The following SPMIP2 variants were observed in gnomAD, a reference collection of about 807,000 sequenced individuals.
SPMIP2 encodes protein SPMIP2.
At chr4:159,001,887 G>T in the SPMIP2 span, among the ~76,000 whole-genome samples, 1 of 152,130 alleles carries the variant, frequency 6.6e-6, no homozygotes, top group African/African-American at 2.4e-5. Flanking sequence ...GCATTAAATG[G>T]CAGTTCTGTT....
At chr4:158,967,593 T>A in the SPMIP2 span, among the ~76,000 whole-genome samples, 1 of 152,248 alleles carries the variant, frequency 6.6e-6, no homozygotes, top group Non-Finnish European at 1.5e-5. Context: ...GAAGCTTTAT[T>A]ATGTTTCTAA....
At chr4:158,986,314 C>A in the SPMIP2 span, among the ~76,000 whole-genome samples, 2 of 151,950 alleles carry the variant, frequency 1.3e-5, no homozygotes, top group East Asian at 3.9e-4. Flanking sequence ...CAAAAAAGAG[C>A]CCGCATTGCC....
At chr4:158,912,841 A>G in the SPMIP2 span, among the ~76,000 whole-genome samples, 7 of 152,156 alleles carry the variant, frequency 4.6e-5, no homozygotes, top group African/African-American at 1.7e-4. Flanking sequence ...ATGATTCAGT[A>G]TTTTGTTTAT....
At chr4:158,924,935 A>G in the SPMIP2 span, among the ~76,000 whole-genome samples, 8 of 152,086 alleles carry the variant, frequency 5.3e-5, no homozygotes, top group Non-Finnish European at 1.0e-4. Context: ...AATCCTTTTT[A>G]TGTTGCTAGA....
the SPMIP2 span, among the ~76,000 whole-genome samples, chr4:159,024,560 GGACTCAAGGTAAACA>G: frequency 6.6e-6 from 1 of 152,032 alleles, no homozygotes; most frequent in Admixed American, 6.6e-5. Context: ...CAAGGGAAAC[GGACTCAAGGTAAACA>G]GACAAAATGA....
chr4:158,973,380 G>C, the SPMIP2 span: 1 of 961,866 alleles, frequency 1.0e-6, no homozygotes, highest in Non-Finnish European at 1.5e-6. Flanking sequence ...TATTTTAACC[G>C]TTGAAATACT....
At chr4:159,054,148 AT>A in the SPMIP2 span, among the ~76,000 whole-genome samples, 15 of 151,124 alleles carry the variant, frequency 9.9e-5, no homozygotes, top group South Asian at 2.1e-4. Flanking sequence ...CACCTGGTTA[AT>A]TTTTTTTTAT....
At chr4:158,986,442 G>C in the SPMIP2 span, among the ~76,000 whole-genome samples, 2 of 152,144 alleles carry the variant, frequency 1.3e-5, no homozygotes, top group African/African-American at 2.4e-5. Context: ...CAGAGATATA[G>C]ATCAATGGAA....
At chr4:158,936,463 C>T in the SPMIP2 span, among the ~76,000 whole-genome samples, 2 of 152,216 alleles carry the variant, frequency 1.3e-5, no homozygotes, top group Non-Finnish European at 2.9e-5. Context: ...CTTAAAAGCA[C>T]GACCTGTTTC....
chr4:158,990,240 A>G, the SPMIP2 span, among the ~76,000 whole-genome samples: 2 of 152,234 alleles, frequency 1.3e-5, no homozygotes, highest in Non-Finnish European at 2.9e-5. Flanking sequence ...GATGCTGGAG[A>G]GAATGTGTAG....
the SPMIP2 span, among the ~76,000 whole-genome samples, chr4:158,908,287 G>T: frequency 6.6e-6 from 1 of 152,152 alleles, no homozygotes; most frequent in South Asian, 2.1e-4. Context: ...CAGCCCCATG[G>T]GATGAGGACT....
At chr4:159,009,311 G>T in the SPMIP2 span, among the ~76,000 whole-genome samples, 18 of 152,012 alleles carry the variant, frequency 1.2e-4, no homozygotes, top group East Asian at 2.9e-3. Flanking sequence ...AAAATCTCAG[G>T]GCCCACCTTA....
the SPMIP2 span, among the ~76,000 whole-genome samples, chr4:158,898,906 TC>T: frequency 1.3e-5 from 2 of 152,240 alleles, no homozygotes; most frequent in South Asian, 4.1e-4. Context: ...AGAGAGAGCA[TC>T]CTTGTCTTGT....
chr4:158,989,491 C>G, the SPMIP2 span, among the ~76,000 whole-genome samples: 6 of 152,134 alleles, frequency 3.9e-5, no homozygotes, highest in Non-Finnish European at 8.8e-5. Context: ...TACTACAAGG[C>G]TACAGTAACC....
chr4:159,037,781 TATATACACACAC>T, the SPMIP2 span, among the ~76,000 whole-genome samples: 95 of 118,084 alleles, frequency 8.0e-4, no homozygotes, highest in African/African-American at 2.9e-3. Context: ...TCAAAAACAA[TATATACACACAC>T]ACACACACAC....
At chr4:158,951,496 A>C in the SPMIP2 span, among the ~76,000 whole-genome samples, 1 of 152,236 alleles carries the variant, frequency 6.6e-6, no homozygotes, top group Non-Finnish European at 1.5e-5. Flanking sequence ...CCACCTTTCT[A>C]TATGCAGCTC....
the SPMIP2 span, among the ~76,000 whole-genome samples, chr4:159,041,357 A>G: frequency 1.3e-5 from 2 of 152,246 alleles, no homozygotes; most frequent in Non-Finnish European, 2.9e-5. Flanking sequence ...TAATTGCTAT[A>G]CTACACATTT....
At chr4:159,014,871 G>A in the SPMIP2 span, among the ~76,000 whole-genome samples, 1 of 152,108 alleles carries the variant, frequency 6.6e-6, no homozygotes, top group African/African-American at 2.4e-5. Context: ...ACAAATTTGT[G>A]TTGGGTCACA....
At chr4:159,058,952 T>C in the SPMIP2 span, among the ~76,000 whole-genome samples, 1 of 152,236 alleles carries the variant, frequency 6.6e-6, no homozygotes, top group Non-Finnish European at 1.5e-5. Context: ...ATAACTATTA[T>C]AATGAAAATA....
Sources: allele counts gnomAD v4.1 joint callset (sites outside exome capture counted in the v4.1 genomes callset), GRCh38; gene constraint gnomAD v4.1.1; transcripts MANE v1.5; gene names NCBI Gene and HGNC (gene_info 2026-07-23, HGNC 2026-07-21).